TDRD5: variants seen among roughly 807,000 people sequenced by gnomAD.
The protein encoded by TDRD5 is tudor domain-containing protein 5.
TDRD5 carries 41 observed loss-of-function variants against 120.6 expected under a neutral mutation model. That is an observed-to-expected ratio of 0.34 (90% confidence interval 0.26 to 0.44). The LOEUF (loss-of-function observed/expected upper bound fraction) is 0.44, where lower values mean the gene tolerates loss of function less well. Among genes scored for constraint, TDRD5 ranks in the 20% least tolerant of loss-of-function variants. The probability of loss-of-function intolerance (pLI) is 1.00; values close to 1 mark genes in which losing one functional copy is unlikely to be tolerated. For synonymous variants in TDRD5, 430 were observed against 433.7 expected (o/e 0.99, Z 0.11); for missense variants, 1,006 against 1,221.2 (o/e 0.82, Z 2.63).
chr1:179,642,474 C>T (rs548932876), intron 11 of TDRD5, among the ~76,000 whole-genome samples: 1 of 152,322 alleles, frequency 6.6e-6, no homozygotes, highest in East Asian at 1.9e-4. Flanking sequence ...AGCTTATTCA[C>T]AGTAATCTCA....
At chr1:179,660,211 GTTTTTTTTTTTTTTT>G (rs34435630) in intron 14 of TDRD5, among the ~76,000 whole-genome samples, 1 of 58,172 alleles carries the variant, frequency 1.7e-5, no homozygotes, top group Non-Finnish European at 3.0e-5. Context: ...ATCTACTATG[GTTTTTTTTTTTTTTT>G]TTTTTTTTTT....
At chr1:179,673,311 C>T (rs72706769) in intron 17 of TDRD5, among the ~76,000 whole-genome samples, 5,779 of 152,176 alleles carry the variant, frequency 0.038, 174 homozygotes, top group East Asian at 0.11. Flanking sequence ...AAGTCTTTCA[C>T]GTCTTGGTTA....
chr1:179,683,879 T>C (rs866623741), intron 17 of TDRD5, among the ~76,000 whole-genome samples: 3 of 152,274 alleles, frequency 2.0e-5, no homozygotes, highest in Middle Eastern at 3.4e-3. Flanking sequence ...AAGGGCCTTC[T>C]TTCATTGTAG....
chr1:179,671,714 G>A (rs1464425378), intron 17 of TDRD5, among the ~76,000 whole-genome samples: 1 of 152,120 alleles, frequency 6.6e-6, no homozygotes, highest in Non-Finnish European at 1.5e-5. Flanking sequence ...TGTACCCAAT[G>A]TGTAGTTTTT....
intron 17 of TDRD5, among the ~76,000 whole-genome samples, chr1:179,675,273 A>ATTTTTTT (rs1172444253): frequency 6.3e-4 from 42 of 66,604 alleles, no homozygotes; most frequent in African/African-American, 1.9e-3. Flanking sequence ...TATTATTATT[A>ATTTTTTT]TTTTTTTTTT....
chr1:179,662,589 CCCTATCTAAAAAAAAAT>C (rs1276040715), intron 15 of TDRD5, among the ~76,000 whole-genome samples: 1 of 151,334 alleles, frequency 6.6e-6, no homozygotes, highest in Non-Finnish European at 1.5e-5. Context: ...CAGAGTAAGA[CCCTATCTAAAAAAAAAT>C]AGGAAAAGAA....
rs138657176 is a variant in TDRD5 at position 179,635,981 on chromosome 1, C to G, written c.1520+94C>G. 6.5e-6 allele frequency: 7 copies of G among 1,068,918 alleles called. No homozygotes were observed. In the African/African-American group the frequency reaches 1.0e-4, roughly 15 times the overall value. The allele number at this position is 1,068,918 out of a possible 1,614,324, so 66.2% of individuals were successfully genotyped here. A position where few individuals can be genotyped will look rare whatever the true frequency, so the allele number is the denominator to read the frequency against. The stretch of plus-strand genomic sequence containing the variant: ...TTTCAGGACTCTTAAAAATTAAAGA[C>G]CCAAGAGAGCTTTTTTTTATCAGTA... On this transcript the variant is annotated intron_variant, in intron 9 of 17. Transcript: ENST00000444136.
rs747296235 is a variant in TDRD5, at chr1:179,662,094, T to TA, written c.2323-9dup. On this transcript the variant is annotated splice_polypyrimidine_tract_variant and intron_variant, in intron 14 of 17. Transcript: ENST00000444136. ...ATGATAGTTTTTCTTTGTCTTCTGT[T>TA]ACATTTTAGGATGAGATCCCCACTG... is the stretch of plus-strand genomic sequence containing the variant. The TA allele has an allele frequency of 6.5e-7, 1 of 1,527,714 alleles. No homozygotes were observed. The highest frequency in any genetic ancestry group is 2.3e-5 in the Admixed American group (1 of 43,590). 94.6% of individuals were successfully genotyped at this position (1,527,714 alleles called of 1,614,324 possible). A position where few individuals can be genotyped will look rare whatever the true frequency, so the allele number is the denominator to read the frequency against.
intron 4 of TDRD5, among the ~76,000 whole-genome samples, chr1:179,612,603 T>C (rs937900686): frequency 1.3e-5 from 2 of 152,154 alleles, no homozygotes; most frequent in South Asian, 4.1e-4. Flanking sequence ...AACAGAGATC[T>C]GGCATTTCTA....
Position 179,631,038 on chromosome 1 carries a change from G to A in TDRD5, c.1126+118G>A, listed in dbSNP as rs182719757. ...TTTATAAAATGACCTCCTTTCTGGT[G>A]GTATTTGTTGTAATAAGGTTAATCT... On this transcript the variant is annotated intron_variant, in intron 7 of 17. Transcript: ENST00000444136. 6.6e-4 allele frequency: 682 copies of A among 1,030,510 alleles called. 1 individual carries two copies. The African/African-American group carries it at 9.8e-3, about 15-fold the overall frequency. 63.8% of individuals were successfully genotyped at this position (1,030,510 alleles called of 1,614,324 possible).
intron 6 of TDRD5, among the ~76,000 whole-genome samples, chr1:179,627,315 A>C (rs1677183325): frequency 1.3e-5 from 2 of 152,194 alleles, no homozygotes; most frequent in Non-Finnish European, 1.5e-5. Context: ...ACTGAAAGTG[A>C]ATACCATTTA....
chr1:179,628,001 A>G (rs1049016336), intron 6 of TDRD5, among the ~76,000 whole-genome samples: 4 of 152,172 alleles, frequency 2.6e-5, no homozygotes, highest in Non-Finnish European at 4.4e-5. Context: ...TCTTAACAAC[A>G]CCAAAAAAGA....
At chr1:179,654,140 T>G (rs1039046505) in intron 13 of TDRD5, 61 bp from the exon 14 acceptor site, 4 of 1,374,790 alleles carry the variant, frequency 2.9e-6, no homozygotes, top group South Asian at 1.6e-5. Flanking sequence ...TGTATAGGCA[T>G]GTAGATTTTG....
At chr1:179,633,165 G>A (rs1454494041) in intron 7 of TDRD5, among the ~76,000 whole-genome samples, 1 of 151,906 alleles carries the variant, frequency 6.6e-6, no homozygotes, top group East Asian at 1.9e-4. Flanking sequence ...GTACAAACAA[G>A]CTCATTTCAT....
intron 14 of TDRD5, among the ~76,000 whole-genome samples, chr1:179,658,776 G>A (rs1679134589): frequency 1.3e-5 from 2 of 151,960 alleles, no homozygotes; most frequent in South Asian, 4.2e-4. Flanking sequence ...CTGTTTTCAA[G>A]TTCGTTGATT....
chr1:179,596,559 G>A (rs1180537497), intron 4 of TDRD5, among the ~76,000 whole-genome samples: 3 of 152,130 alleles, frequency 2.0e-5, no homozygotes, highest in African/African-American at 7.2e-5. Flanking sequence ...TCATATAAAT[G>A]GAATCAAACA....
chr1:179,647,510 C>A (rs1306372795), intron 11 of TDRD5, among the ~76,000 whole-genome samples: 1 of 151,676 alleles, frequency 6.6e-6, no homozygotes, highest in Non-Finnish European at 1.5e-5. Context: ...ACAAGAAAAC[C>A]TAGGCATTAC....
At chr1:179,615,334 C>T (rs924983706) in intron 4 of TDRD5, among the ~76,000 whole-genome samples, 2 of 152,012 alleles carry the variant, frequency 1.3e-5, no homozygotes, top group Non-Finnish European at 2.9e-5. Flanking sequence ...ATTTGATGGG[C>T]AAATAACTGT....
At chr1:179,595,849 T>C (rs750651014) in intron 4 of TDRD5, 31 bp downstream of exon 4, 101 of 1,557,758 alleles carry the variant, frequency 6.5e-5, no homozygotes, top group Non-Finnish European at 8.2e-5. Flanking sequence ...GATATAAATA[T>C]ACGATGTTTT....
Sources: allele counts gnomAD v4.1 joint callset (sites outside exome capture counted in the v4.1 genomes callset), GRCh38; gene constraint gnomAD v4.1.1; transcripts MANE v1.5; gene names NCBI Gene and HGNC (gene_info 2026-07-23, HGNC 2026-07-21).